Variants in ACYP2 observed in about 807,000 individuals in gnomAD.
The protein encoded by ACYP2 is acylphosphatase 2.
A neutral mutation model predicts 11.2 loss-of-function variants in ACYP2; 12 were observed. The observed-to-expected ratio is 1.08, with a 90% CI of 0.69 to 1.74. The LOEUF (loss-of-function observed/expected upper bound fraction) is 1.74. Among genes scored for constraint, ACYP2 ranks in the 40% most tolerant of loss-of-function variants. ACYP2 has a pLI of 0.00. For missense variants in ACYP2, 134 were observed against 101.9 expected, an observed-to-expected ratio of 1.31 and a Z score of -1.35; for synonymous variants, 43 against 32.2, an observed-to-expected ratio of 1.33 and a Z score of -1.13.
intron 6 of ACYP2, among the ~76,000 whole-genome samples, chr2:54,141,514 C>G (rs1681597888): frequency 6.6e-6 from 1 of 152,188 alleles, no homozygotes; most frequent in East Asian, 1.9e-4. Context: ...TAAATAATCA[C>G]TCTTTCCCCC....
chr2:54,247,793 C>T (rs928091506), intron 6 of ACYP2, among the ~76,000 whole-genome samples: 3 of 152,162 alleles, frequency 2.0e-5, no homozygotes, highest in African/African-American at 7.2e-5. Context: ...ATGTAGTTAT[C>T]AGACTCTGGA....
At chr2:53,996,032 G>C (rs1365899556) in intron 2 of ACYP2, among the ~76,000 whole-genome samples, 2 of 151,970 alleles carry the variant, frequency 1.3e-5, no homozygotes, top group African/African-American at 2.4e-5. Flanking sequence ...TACATGGGAG[G>C]CTGAGGCAGG....
At chr2:54,114,442 G>C (rs1178756958) in intron 4 of ACYP2, among the ~76,000 whole-genome samples, 2 of 150,988 alleles carry the variant, frequency 1.3e-5, no homozygotes, top group East Asian at 1.9e-4. Context: ...CCAGCACTTT[G>C]GGAGGCCGAG....
At chr2:54,197,931 ATGTATGTATTATATTGTATTGTAT>A (rs1684565976) in intron 6 of ACYP2, among the ~76,000 whole-genome samples, 1 of 111,748 alleles carries the variant, frequency 8.9e-6, no homozygotes, top group Non-Finnish European at 2.1e-5. Context: ...TATTTTATTT[ATGTATGTATTATATTGTATTGTAT>A]TGTATTGTAT....
intron 4 of ACYP2, among the ~76,000 whole-genome samples, chr2:54,096,789 T>A (rs1401026237): frequency 6.6e-6 from 1 of 150,744 alleles, no homozygotes; most frequent in African/African-American, 2.4e-5. Context: ...AGCAGTACAG[T>A]CCAGCCTTGG....
rs549763729 is a variant in ACYP2, at chr2:54,212,434, C to T, written c.404+73686C>T. Among the ~76,000 whole-genome samples the T allele has an allele frequency of 2.0e-4, 30 of 152,286 alleles. 1 individual carries two copies. Among genetic ancestry groups the T allele is most frequent in the Admixed American group, 9.2e-4 (14 of 15,282 alleles). ...CAGCTGTAATCTCCTTTTCCCTGCA[C>T]GGCTGACTGAGAATGCATTTCCTTG... On this transcript the variant is annotated intron_variant, in intron 6 of 6. Coordinates refer to ENST00000607452, the MANE Select transcript of ACYP2 (RefSeq NM_001320586.2).
intron 2 of ACYP2, among the ~76,000 whole-genome samples, chr2:54,017,650 A>G (rs1164133169): frequency 6.6e-6 from 1 of 152,156 alleles, no homozygotes; most frequent in East Asian, 1.9e-4. Context: ...ATTCAATCTT[A>G]TAGATAGACG....
At chr2:54,254,778 G>T in intron 6 of ACYP2, 2 of 781,646 alleles carry the variant, frequency 2.6e-6, no homozygotes, top group Non-Finnish European at 4.0e-6. Context: ...TCTTCAGGTT[G>T]AGAGAACGGA....
chr2:54,275,347 A>G (rs765725864), intron 6 of ACYP2, among the ~76,000 whole-genome samples: 3 of 152,174 alleles, frequency 2.0e-5, no homozygotes, highest in Non-Finnish European at 2.9e-5. Flanking sequence ...GTATCTCACT[A>G]TCTTCTTCCC....
chr2:54,002,350 CT>C (rs35906411), intron 2 of ACYP2, among the ~76,000 whole-genome samples: 101 of 144,706 alleles, frequency 7.0e-4, no homozygotes, highest in Admixed American at 1.3e-3. Context: ...TCATTTCTTT[CT>C]TTTTTTTTTT....
intron 6 of ACYP2, among the ~76,000 whole-genome samples, chr2:54,202,106 A>G (rs1684862423): frequency 6.6e-6 from 1 of 151,364 alleles, no homozygotes; most frequent in African/African-American, 2.4e-5. Flanking sequence ...TAGAGGTCCA[A>G]TTTCATTGTT....
chr2:54,070,528 C>G (rs1676980821), intron 4 of ACYP2, among the ~76,000 whole-genome samples: 1 of 152,084 alleles, frequency 6.6e-6, no homozygotes, highest in African/African-American at 2.4e-5. Flanking sequence ...TTTTTCCCCA[C>G]TTACTTAGCT....
At chr2:54,280,676 C>A (rs148837820) in intron 6 of ACYP2, among the ~76,000 whole-genome samples, 54 of 152,292 alleles carry the variant, frequency 3.5e-4, no homozygotes, top group African/African-American at 1.3e-3. Flanking sequence ...CAATATATGC[C>A]TTTCATTTAG....
chr2:54,145,259 G>T (rs905770668), intron 6 of ACYP2, among the ~76,000 whole-genome samples: 1 of 152,152 alleles, frequency 6.6e-6, no homozygotes, highest in African/African-American at 2.4e-5. Context: ...TTAAATCCTT[G>T]TGATAAATGA....
intron 2 of ACYP2, among the ~76,000 whole-genome samples, chr2:54,046,321 A>G (rs955845716): frequency 4.0e-5 from 6 of 151,798 alleles, no homozygotes; most frequent in African/African-American, 1.5e-4. Flanking sequence ...CCTACTGAAA[A>G]TACAAAAATT....
intron 6 of ACYP2, among the ~76,000 whole-genome samples, chr2:54,232,924 G>A (rs769995914): frequency 6.6e-6 from 1 of 152,086 alleles, no homozygotes; most frequent in African/African-American, 2.4e-5. Flanking sequence ...TTTGGGTGGG[G>A]ACACACAGCC....
At chr2:54,270,288 A>G (rs951393942) in intron 6 of ACYP2, among the ~76,000 whole-genome samples, 1 of 152,188 alleles carries the variant, frequency 6.6e-6, no homozygotes, top group African/African-American at 2.4e-5. Context: ...CTGTCTAAAG[A>G]TTTCACAGAT....
intron 4 of ACYP2, among the ~76,000 whole-genome samples, chr2:54,109,655 T>G (rs1468028453): frequency 6.6e-6 from 1 of 152,176 alleles, no homozygotes; most frequent in Non-Finnish European, 1.5e-5. Flanking sequence ...TTTTGAAATG[T>G]TATTATGAAA....
chr2:54,246,911 A>G (rs1269013189), intron 6 of ACYP2, among the ~76,000 whole-genome samples: 1 of 152,176 alleles, frequency 6.6e-6, no homozygotes, highest in Non-Finnish European at 1.5e-5. Flanking sequence ...AAATCATAGT[A>G]AAGCCCCAGG....
Sources: gnomAD v4.1 joint callset for allele counts (sites outside exome capture counted in the v4.1 genomes callset) on GRCh38, gnomAD v4.1.1 for gene constraint, MANE v1.5 for transcripts, NCBI Gene and HGNC (gene_info 2026-07-23, HGNC 2026-07-21) for gene names.